Variants in CFAP206 observed in about 807,000 individuals in gnomAD.
CFAP206 encodes the protein cilia- and flagella-associated protein 206.
In CFAP206, 53 loss-of-function variants were observed where a neutral mutation model predicts 65.4. That is an observed-to-expected ratio of 0.81 (90% CI 0.65 to 1.02). The LOEUF is 1.02. Among genes scored for constraint, CFAP206 ranks in the 50% least tolerant of loss-of-function variants. The pLI, the probability that CFAP206 is intolerant of heterozygous loss-of-function variation, is 0.00. For synonymous variants in CFAP206, 250 were observed against 254.4 expected, an observed-to-expected ratio of 0.98 and a Z score of 0.17; for missense variants, 663 against 753.2, an observed-to-expected ratio of 0.88 and a Z score of 1.40.
At position 87,464,022 on chromosome 6, in the gene CFAP206, T is replaced by C; in HGVS notation, c.1641T>C (p.Ala547=). ...TCCTGTATTCTCTTTCTCTTTAGGC[T>C]AATTTGCGCCAGAAAGTTACTCACT... ...WELRRKAIKL[A]NLRQKVTHSV... The change falls in exon 13 of 13, where the codon GCT becomes GCC. Residue 547 remains alanine (A), a splice_region_variant and synonymous_variant. Transcript: ENST00000369562. 6.2e-7 allele frequency: 1 copy of C among 1,608,888 alleles called. No homozygotes were observed.
intron 11 of CFAP206, chr6:87,445,130 T>G: frequency 2.5e-6 from 1 of 405,502 alleles, no homozygotes; most frequent in Admixed American, 3.1e-5. Flanking sequence ...TCTTATCATT[T>G]GCGTAATCCA....
intron 11 of CFAP206, among the ~76,000 whole-genome samples, chr6:87,457,149 CA>C (rs56842848): frequency 0.3 from 35,100 of 115,416 alleles, 4,601 homozygotes; most frequent in South Asian, 0.41. Context: ...GACAACCTCT[CA>C]AAAAAAAAAA....
At chr6:87,409,290 C>T (rs1211758814) in intron 1 of CFAP206, among the ~76,000 whole-genome samples, 1 of 151,408 alleles carries the variant, frequency 6.6e-6, no homozygotes, top group Non-Finnish European at 1.5e-5. Context: ...GCAATGGCAC[C>T]GCAACCTCCG....
At chr6:87,430,279 G>A (rs1483312284) in intron 9 of CFAP206, among the ~76,000 whole-genome samples, 1 of 152,192 alleles carries the variant, frequency 6.6e-6, no homozygotes, top group African/African-American at 2.4e-5. Context: ...TTTGGGTTTA[G>A]AACCAGGCAC....
At chr6:87,459,394 T>A (rs181005446) in intron 11 of CFAP206, among the ~76,000 whole-genome samples, 363 of 152,268 alleles carry the variant, frequency 2.4e-3, no homozygotes, top group African/African-American at 8.4e-3. Flanking sequence ...ATACTGGTTT[T>A]AAAATACTTG....
chr6:87,423,835 A>G (rs1767990991), intron 7 of CFAP206, among the ~76,000 whole-genome samples: 1 of 152,126 alleles, frequency 6.6e-6, no homozygotes, highest in Non-Finnish European at 1.5e-5. Context: ...CAGTATGGGT[A>G]AAATTAAACA....
chr6:87,445,125 T>C (rs907028846), intron 11 of CFAP206: 1 of 413,294 alleles, frequency 2.4e-6, no homozygotes, highest in Non-Finnish European at 4.7e-6. Context: ...CACTTTCTTA[T>C]CATTTGCGTA....
chr6:87,460,155 C>T (rs1207061293), intron 11 of CFAP206, among the ~76,000 whole-genome samples: 1 of 152,172 alleles, frequency 6.6e-6, no homozygotes, highest in East Asian at 1.9e-4. Flanking sequence ...TTACTGTGAC[C>T]TAAGTACCTT....
At chr6:87,455,623 C>G (rs1768624795) in intron 11 of CFAP206, among the ~76,000 whole-genome samples, 1 of 151,770 alleles carries the variant, frequency 6.6e-6, no homozygotes, top group African/African-American at 2.4e-5. Flanking sequence ...TACACTTTAG[C>G]CAGGCTAGGA....
At chr6:87,423,613 T>A (rs148367308) in intron 7 of CFAP206, among the ~76,000 whole-genome samples, 3 of 152,370 alleles carry the variant, frequency 2.0e-5, no homozygotes, top group African/African-American at 7.2e-5. Context: ...AACTTTTATT[T>A]TGGAGAACGT....
intron 3 of CFAP206, 33 bp from the exon 4 acceptor site, chr6:87,413,777 A>G: frequency 7.9e-7 from 1 of 1,266,810 alleles, no homozygotes; most frequent in South Asian, 1.4e-5. Context: ...CAAAAACTAT[A>G]ACTAGAAGTA....
Sources: gnomAD v4.1 joint callset for allele counts (sites outside exome capture counted in the v4.1 genomes callset) on GRCh38, gnomAD v4.1.1 for gene constraint, MANE v1.5 for transcripts, NCBI Gene and HGNC (gene_info 2026-07-23, HGNC 2026-07-21) for gene names.